NOXA1: variants seen among roughly 807,000 people sequenced by gnomAD.
The protein encoded by NOXA1 is NCF2-like protein.
A neutral mutation model predicts 64.8 loss-of-function variants in NOXA1; 56 were observed. The observed-to-expected ratio is 0.86, with a 90% CI of 0.70 to 1.08. The LOEUF is 1.08. Among genes scored for constraint, NOXA1 ranks in the 50% least tolerant of loss-of-function variants. The pLI is 0.00. For synonymous variants in NOXA1, 295 were observed against 294.8 expected (o/e 1.00, Z -0.01); for missense variants, 668 against 658.5 (o/e 1.01, Z -0.16).
At position 137,429,352 on chromosome 9, in the gene NOXA1, TGGAGCCC is replaced by T; in HGVS notation, c.583_589del (p.Glu195TrpfsTer39). On this transcript the variant is annotated frameshift_variant, in exon 5 of 14. Coordinates refer to ENST00000683555, the MANE Select transcript of NOXA1 (RefSeq NM_001256067.2). LOFTEE classifies it high-confidence loss of function. ...CCCCACCGGTGGCACCTGAAGCACT[TGGAGCCC>T]GTGGATTTCCTGGGCAAGGCCAAGG... 1 of 1,583,556 alleles carries T rather than the reference TGGAGCCC, an allele frequency of 6.3e-7. No individual in the cohort carries two copies. The highest frequency in any genetic ancestry group is 8.6e-7 in the Non-Finnish European group (1 of 1,166,098).
In NOXA1 at chr9:137,431,372, G is replaced by C; in HGVS notation, c.804+31G>C. The C allele has an allele frequency of 6.4e-7, 1 of 1,569,578 alleles. No homozygotes were observed. The highest frequency in any genetic ancestry group is 8.7e-7 in the Non-Finnish European group (1 of 1,150,550). On this transcript the variant is annotated intron_variant, in intron 8 of 13. Coordinates refer to ENST00000683555, the MANE Select transcript of NOXA1 (RefSeq NM_001256067.2). The surrounding 1 kb of genome is among the most constrained non-coding windows in gnomAD (Gnocchi z 5.6). ...TGGGCCTGGGCCTCTTCCCCTGCTGGGGGTCGGTGCTTCTGCTGCCTCCGC... is the reference window on the plus strand; with the variant it reads ...TGGGCCTGGGCCTCTTCCCCTGCTGCGGGTCGGTGCTTCTGCTGCCTCCGC...
Position 137,423,583 on chromosome 9 carries a change from G to T in NOXA1, c.54G>T (p.Val18=). 1 of 1,481,284 alleles carries T rather than the reference G, an allele frequency of 6.8e-7. No homozygotes were observed. The highest frequency in any genetic ancestry group is 1.3e-5 in the South Asian group (1 of 78,250). The allele number at this position is 1,481,284 out of a possible 1,614,324, so 91.8% of individuals were successfully genotyped here. The change falls in exon 1 of 14, where the codon GTG becomes GTT. Residue 18 remains valine, a synonymous_variant. Coordinates refer to ENST00000683555, the MANE Select transcript of NOXA1 (RefSeq NM_001256067.2). ...CCTGGCACCTGGGCGCGCAGGCTGT[G>T]GATCGTGGGGACTGGGCCCGCGCCT... ...VRAWHLGAQA[V]DRGDWARALH...
rs1838965544 is a variant in NOXA1 at position 137,428,936 on chromosome 9, G to T, written c.424G>T (p.Ala142Ser). 1 of 1,596,738 alleles carries T rather than the reference G, an allele frequency of 6.3e-7. No individual in the cohort carries two copies. The highest frequency in any genetic ancestry group is 1.1e-5 in the South Asian group (1 of 88,240). Residue 142 changes from alanine to serine, a missense_variant, in exon 4 of 14, where the codon GCC becomes TCC. Ala to Ser is a moderately conservative substitution (Grantham distance 99, BLOSUM62 1). Coordinates refer to ENST00000683555, the MANE Select transcript of NOXA1 (RefSeq NM_001256067.2). The part of the protein sequence containing the change: ...QCQLGLWTEA[A>S]SSLREAMSKW... ...CCAGCTGGGGCTCTGGACAGAGGCGGCCAGCAGCCTAAGGGAGGCCATGTC... is the reference window on the plus strand; with the variant it reads ...CCAGCTGGGGCTCTGGACAGAGGCGTCCAGCAGCCTAAGGGAGGCCATGTC...
chr9:137,432,613 T>C (rs1396305619), intron 8 of NOXA1, among the ~76,000 whole-genome samples: 3 of 152,220 alleles, frequency 2.0e-5, no homozygotes, highest in African/African-American at 7.2e-5. Context: ...CCTCAGGGTC[T>C]AGCCAGCGCT....
chr9:137,433,370 T>C (rs561512987), intron 10 of NOXA1, 83 bp from the exon 11 acceptor site: 1 of 1,503,790 alleles, frequency 6.6e-7, no homozygotes, highest in South Asian at 1.2e-5. Context: ...GCCCAGTCTC[T>C]GTCCACACCC....
chr9:137,429,472 G>A (rs1290877063), intron 5 of NOXA1, 89 bp downstream of exon 5: 1 of 929,668 alleles, frequency 1.1e-6, no homozygotes, highest in Non-Finnish European at 1.7e-6. Context: ...TGCAGTCCAG[G>A]CCACCGTAAG....
At chr9:137,430,280 C>T (rs1041381525) in intron 5 of NOXA1, among the ~76,000 whole-genome samples, 14 of 151,976 alleles carry the variant, frequency 9.2e-5, no homozygotes, top group African/African-American at 3.4e-4. Context: ...GAATGGGGAG[C>T]TGCTCACCCC....
chr9:137,429,416 G>A (rs750319689), intron 5 of NOXA1, 33 bp downstream of exon 5: 17 of 1,445,064 alleles, frequency 1.2e-5, no homozygotes, highest in African/African-American at 2.8e-5. Context: ...GGGGCATGGC[G>A]GCTGGTGCTG....
chr9:137,433,994 G>A lies in NOXA1; in HGVS notation c.1209G>A (p.Gln403=). Residue 403 remains glutamine (Q), a synonymous_variant, in exon 13 of 14, where the codon CAG becomes CAA. Transcript: ENST00000683555. ...RGAGGRPVLY[Q]VVAQHSYSAQ... ...CCGGGGGTCGGCCGGTCCTCTACCA[G>A]GTGGTGGCCCAGCACAGCTACTCCG... The A allele has an allele frequency of 6.4e-7, 1 of 1,562,318 alleles. No homozygotes were observed. Among genetic ancestry groups the A allele is most frequent in the Non-Finnish European group, 8.6e-7 (1 of 1,157,192 alleles).
chr9:137,434,095 C>A lies in NOXA1; in HGVS notation c.1294+16C>A, dbSNP rs1288562444. 1.9e-6 allele frequency: 3 copies of A among 1,583,582 alleles called. No homozygotes were observed. Among genetic ancestry groups the A allele is most frequent in the African/African-American group, 1.3e-5 (1 of 74,380 alleles). On this transcript the variant is annotated intron_variant, in intron 13 of 13. Coordinates refer to ENST00000683555, the MANE Select transcript of NOXA1 (RefSeq NM_001256067.2). Reference sequence around the variant, plus strand: ...CTGTGTGAAGGTAGGGTGGGCATGGCCCTTCCCAGGCAGCACCGTGGTGCC... The same window carrying A: ...CTGTGTGAAGGTAGGGTGGGCATGGACCTTCCCAGGCAGCACCGTGGTGCC...
chr9:137,430,372 G>A (rs1371640601), intron 5 of NOXA1, among the ~76,000 whole-genome samples: 1 of 151,970 alleles, frequency 6.6e-6, no homozygotes, highest in South Asian at 2.1e-4. Flanking sequence ...GCCACGCCCC[G>A]GACTGGCCAC....
chr9:137,433,187 T>C lies in NOXA1; in HGVS notation c.851-18T>C. The C allele has an allele frequency of 6.2e-7, 1 of 1,609,320 alleles. No individual in the cohort carries two copies. Among genetic ancestry groups the C allele is most frequent in the South Asian group, 1.1e-5 (1 of 90,690 alleles). ...ACTTTGGTGGTAGTGGCTGTGTCAG[T>C]CTTGCTCTGTCCTACAGGGCTGCCG... On this transcript the variant is annotated intron_variant, in intron 9 of 13. Transcript: ENST00000683555.
intron 5 of NOXA1, among the ~76,000 whole-genome samples, chr9:137,430,427 A>T (rs1041826167): frequency 1.9e-4 from 29 of 152,166 alleles, no homozygotes; most frequent in African/African-American, 6.8e-4. Context: ...GCGCTGCGCC[A>T]CGGCCGACTC....
chr9:137,431,054 G>A lies in NOXA1; in HGVS notation c.673-21G>A, dbSNP rs754299185. The A allele has an allele frequency of 6.8e-6, 11 of 1,613,156 alleles. No homozygotes were observed. In the East Asian group the frequency reaches 1.1e-4, roughly 16 times the overall value. On this transcript the variant is annotated intron_variant, in intron 6 of 13. Coordinates refer to ENST00000683555, the MANE Select transcript of NOXA1 (RefSeq NM_001256067.2). This position sits in a 1 kb window ranked among gnomAD's most constrained non-coding sequence, Gnocchi z 5.6. The stretch of plus-strand genomic sequence containing the variant: ...GCCCCCGACCCTTAACCAGAGCGAG[G>A]TTGTTGCTTTGTGTCCACAGGGACC...
At position 137,423,480 on chromosome 9, in the gene NOXA1, G is replaced by A. The variant is rs1838661915; in HGVS notation, c.-50G>A. ...CGCGCCGCCGCCTGGCCCCGGCCCC[G>A]GCCCCTCCGCGGGATCCTGGCCCCT... On this transcript the variant is annotated 5_prime_UTR_variant, in exon 1 of 14. Transcript: ENST00000683555. 6.7e-6 allele frequency: 8 copies of A among 1,185,826 alleles called. No individual in the cohort carries two copies. The highest frequency in any genetic ancestry group is 3.2e-4 in the Middle Eastern group (1 of 3,102). 73.5% of individuals were successfully genotyped at this position (1,185,826 alleles called of 1,614,324 possible).
At chr9:137,429,936 G>A (rs1279426204) in intron 5 of NOXA1, among the ~76,000 whole-genome samples, 1 of 128,444 alleles carries the variant, frequency 7.8e-6, no homozygotes, top group Non-Finnish European at 1.6e-5. Flanking sequence ...CGAGGTCCCC[G>A]GGGGGGTGCC....
intron 13 of NOXA1, 44 bp downstream of exon 13, chr9:137,434,123 G>T: frequency 1.3e-6 from 2 of 1,582,282 alleles, no homozygotes. Context: ...GTGGTGCCCG[G>T]GGTGTGGGGG....
Position 137,433,825 on chromosome 9 carries a change from C to A in NOXA1, c.1140C>A (p.Asp380Glu). The stretch of plus-strand genomic sequence containing the variant: ...AGTCGCTGCAGAGGGCCTGGCAGGA[C>A]GCAGCTGCCTGCCCCAGGGGGCTGC... Reference protein sequence around the residue: ...EEESLQRAWQDAAACPRGLQL... With the variant: ...EEESLQRAWQEAAACPRGLQL... Residue 380 changes from aspartate (D) to glutamate (E), a missense_variant, in exon 12 of 14, where the codon GAC becomes GAA. Physicochemically the swap from Asp to Glu is conservative, Grantham distance 45 (BLOSUM62 2). Coordinates refer to ENST00000683555, the MANE Select transcript of NOXA1 (RefSeq NM_001256067.2). The A allele has an allele frequency of 2.1e-6, 3 of 1,451,466 alleles. No individual in the cohort carries two copies. The highest frequency in any genetic ancestry group is 2.8e-5 in the Admixed American group (1 of 35,298). The allele number at this position is 1,451,466 out of a possible 1,614,324, so 89.9% of individuals were successfully genotyped here. A position where few individuals can be genotyped will look rare whatever the true frequency, so the allele number is the denominator to read the frequency against.
In NOXA1 at chr9:137,433,500, G is replaced by T; in HGVS notation, c.957G>T (p.Gln319His). The T allele has an allele frequency of 1.2e-6, 2 of 1,604,208 alleles. No homozygotes were observed. The highest frequency in any genetic ancestry group is 1.1e-5 in the South Asian group (1 of 90,134). ...AGCCCCTGGTGACTGTCACCGTGCAGTGCGCCTTCACAGTGGCCCTGAGGG... is the reference window on the plus strand; with the variant it reads ...AGCCCCTGGTGACTGTCACCGTGCATTGCGCCTTCACAGTGGCCCTGAGGG... ...GSEPLVTVTV[Q>H]CAFTVALRAR... Residue 319 changes from glutamine to histidine, a missense_variant, in exon 11 of 14, where the codon CAG becomes CAT. By Grantham distance (24) the Gln-to-His change is conservative (BLOSUM62 0). Coordinates refer to ENST00000683555, the MANE Select transcript of NOXA1 (RefSeq NM_001256067.2).
Sources: allele counts gnomAD v4.1 joint callset (sites outside exome capture counted in the v4.1 genomes callset), GRCh38; gene constraint gnomAD v4.1.1; non-coding constraint Gnocchi (gnomAD v3.1); transcripts MANE v1.5; gene names NCBI Gene and HGNC (gene_info 2026-07-23, HGNC 2026-07-21).